The following MARCHF1 variants were observed in gnomAD, a reference collection of about 807,000 sequenced individuals.
MARCHF1 encodes E3 ubiquitin-protein ligase MARCHF1.
In MARCHF1, 40 loss-of-function variants were observed where a neutral mutation model predicts 54.2. That is an observed-to-expected ratio of 0.74 (90% CI 0.57 to 0.96). The LOEUF (loss-of-function observed/expected upper bound fraction) is 0.96. Among genes scored for constraint, MARCHF1 ranks in the 40% least tolerant of loss-of-function variants. The probability of loss-of-function intolerance (pLI) is 0.00; values close to 1 mark genes in which losing one functional copy is unlikely to be tolerated. For missense variants in MARCHF1, 586 were observed against 656.5 expected, an observed-to-expected ratio of 0.89 and a Z score of 1.17; for synonymous variants, 236 against 236.3, an observed-to-expected ratio of 1.00 and a Z score of 0.01.
At chr4:164,109,921 A>AAAAAAAAAAAAAAAAAAAAAAAAAAT (rs1755796936) in intron 2 of MARCHF1, among the ~76,000 whole-genome samples, 1 of 148,882 alleles carries the variant, frequency 6.7e-6, no homozygotes. Context: ...GTAAAAAAAA[A>AAAAAAAAAAAAAAAAAAAAAAAAAAT]AAAAAAAAAA....
At chr4:163,644,347 G>A (rs189717311) in intron 5 of MARCHF1, among the ~76,000 whole-genome samples, 11 of 152,216 alleles carry the variant, frequency 7.2e-5, no homozygotes, top group African/African-American at 2.6e-4. Context: ...TTGAGGGGGC[G>A]GATTCATACT....
At chr4:164,157,567 A>C (rs1441225002) in intron 1 of MARCHF1, among the ~76,000 whole-genome samples, 1 of 152,212 alleles carries the variant, frequency 6.6e-6, no homozygotes, top group East Asian at 1.9e-4. Flanking sequence ...CTTGAAATCA[A>C]GATGTCAGCA....
At position 163,557,408 on chromosome 4, in the gene MARCHF1, A is replaced by AG. The variant is rs943662202; in HGVS notation, c.1192-11666dup. 3.3e-5 allele frequency among the ~76,000 whole-genome samples: 5 copies of AG among 152,314 alleles called. No homozygotes were observed. In the East Asian group the frequency reaches 7.7e-4, roughly 23 times the overall value. ...GTTGGTTTGAACCAAAGAAAGCTTC[A>AG]GGGGGACTAAGAATCTCATTCAGTT... On this transcript the variant is annotated intron_variant, in intron 8 of 9. Coordinates refer to ENST00000514618, the MANE Select transcript of MARCHF1 (RefSeq NM_001394959.1).
intron 1 of MARCHF1, among the ~76,000 whole-genome samples, chr4:164,313,414 A>T (rs1734919475): frequency 6.6e-6 from 1 of 151,840 alleles, no homozygotes; most frequent in African/African-American, 2.4e-5. Flanking sequence ...CTCCTTAAAA[A>T]ACAGAACTTT....
chr4:163,723,729 A>G (rs957313321), intron 4 of MARCHF1, among the ~76,000 whole-genome samples: 1 of 151,124 alleles, frequency 6.6e-6, no homozygotes, highest in Non-Finnish European at 1.5e-5. Context: ...ATGTCTTTTT[A>G]CTCTTTTTTC....
rs1740388544 is a variant in MARCHF1, at chr4:163,585,734, C to T, written c.1191+15G>A. ...CAAATGGTCCCTCCCAAACCAATTC[C>T]TATGGATACTGTACCTTCCGGAGGG... On this transcript the variant is annotated intron_variant, in intron 8 of 9. Coordinates refer to ENST00000514618, the MANE Select transcript of MARCHF1 (RefSeq NM_001394959.1). 1.3e-6 allele frequency: 2 copies of T among 1,544,370 alleles called. No individual in the cohort carries two copies. Among genetic ancestry groups the T allele is most frequent in the Non-Finnish European group, 1.7e-6 (2 of 1,143,238 alleles).
chr4:163,931,179 C>T (rs68154739), intron 3 of MARCHF1, among the ~76,000 whole-genome samples: 25,540 of 152,126 alleles, frequency 0.17, 2,693 homozygotes, highest in South Asian at 0.33. Flanking sequence ...GATGGAACCT[C>T]AATCTTGGAC....
intron 3 of MARCHF1, among the ~76,000 whole-genome samples, chr4:163,944,789 T>G (rs1159683892): frequency 6.6e-6 from 1 of 152,176 alleles, no homozygotes; most frequent in Non-Finnish European, 1.5e-5. Context: ...AAATCCAATT[T>G]TCTACGCTTC....
intron 5 of MARCHF1, among the ~76,000 whole-genome samples, chr4:163,636,466 G>C (rs1184472560): frequency 1.4e-5 from 2 of 146,804 alleles, no homozygotes; most frequent in African/African-American, 2.5e-5. Context: ...CAAACAGAGA[G>C]CCAAATCATG....
At position 163,526,169 on chromosome 4, in the gene MARCHF1, A is replaced by C. The variant is rs1738097711; in HGVS notation, c.*2579T>G. Reference sequence around the variant, plus strand: ...AAATCCCATGTCCTCTTTTACTATTAATAGAATAATGCTTACCTTTGCTTT... The same window carrying C: ...AAATCCCATGTCCTCTTTTACTATTCATAGAATAATGCTTACCTTTGCTTT... On this transcript the variant is annotated 3_prime_UTR_variant, in exon 10 of 10. Coordinates refer to ENST00000514618, the MANE Select transcript of MARCHF1 (RefSeq NM_001394959.1). 6.6e-6 allele frequency: 1 copy of C among 152,106 alleles called. No individual in the cohort carries two copies. Among genetic ancestry groups the C allele is most frequent in the South Asian group, 2.1e-4 (1 of 4,838 alleles). 9.4% of individuals were successfully genotyped at this position (152,106 alleles called of 1,614,324 possible).
intron 3 of MARCHF1, among the ~76,000 whole-genome samples, chr4:163,886,330 TAGATAG>T (rs1304355996): frequency 6.8e-6 from 1 of 147,918 alleles, no homozygotes; most frequent in African/African-American, 2.5e-5. Flanking sequence ...GATAGATAGA[TAGATAG>T]ATAGATAGAT....
intron 4 of MARCHF1, among the ~76,000 whole-genome samples, chr4:163,701,185 T>C (rs1248838694): frequency 6.6e-6 from 1 of 152,176 alleles, no homozygotes; most frequent in African/African-American, 2.4e-5. Flanking sequence ...ACAGTAAAAC[T>C]GTAGTCTACC....
At chr4:164,212,773 C>T (rs192996660) in intron 1 of MARCHF1, among the ~76,000 whole-genome samples, 99 of 152,042 alleles carry the variant, frequency 6.5e-4, no homozygotes, top group African/African-American at 2.2e-3. Context: ...AAGAATTCTC[C>T]CATTTAATCA....
At chr4:163,947,277 AGAT>A (rs1752043781) in intron 3 of MARCHF1, among the ~76,000 whole-genome samples, 1 of 152,192 alleles carries the variant, frequency 6.6e-6, no homozygotes, top group Non-Finnish European at 1.5e-5. Flanking sequence ...TAGAGTAGGA[AGAT>A]GATGAGCTGT....
chr4:164,210,368 G>A (rs1322150213), intron 1 of MARCHF1, among the ~76,000 whole-genome samples: 2 of 152,154 alleles, frequency 1.3e-5, no homozygotes, highest in African/African-American at 2.4e-5. Flanking sequence ...TAATTACTCA[G>A]TGTCTAGCAT....
At chr4:164,100,891 G>T (rs1755533579) in intron 2 of MARCHF1, among the ~76,000 whole-genome samples, 1 of 152,188 alleles carries the variant, frequency 6.6e-6, no homozygotes, top group African/African-American at 2.4e-5. Context: ...GTGGGCGCAG[G>T]TCAGTGGGTG....
chr4:163,819,101 C>T (rs1425031633), intron 4 of MARCHF1, among the ~76,000 whole-genome samples: 18 of 152,122 alleles, frequency 1.2e-4, no homozygotes, highest in Non-Finnish European at 2.9e-5. Context: ...ATCCACCCAA[C>T]AGTCACAGCT....
intron 4 of MARCHF1, among the ~76,000 whole-genome samples, chr4:163,713,262 C>G (rs1745161433): frequency 6.6e-6 from 1 of 152,114 alleles, no homozygotes; most frequent in Admixed American, 6.5e-5. Flanking sequence ...TACATACCAG[C>G]TCTCTTGGAT....
chr4:164,258,222 G>T (rs1733349120), intron 1 of MARCHF1, among the ~76,000 whole-genome samples: 1 of 151,898 alleles, frequency 6.6e-6, no homozygotes, highest in South Asian at 2.1e-4. Flanking sequence ...CACAGGGAGG[G>T]GAACATCACA....
Sources: gnomAD v4.1 joint callset for allele counts (sites outside exome capture counted in the v4.1 genomes callset) on GRCh38, gnomAD v4.1.1 for gene constraint, MANE v1.5 for transcripts, NCBI Gene and HGNC (gene_info 2026-07-23, HGNC 2026-07-21) for gene names.